Variants in RAB31 observed in about 807,000 individuals in gnomAD.
RAB31 encodes RAB31, member RAS oncogene family.
In RAB31, 21 loss-of-function variants were observed where a neutral mutation model predicts 25.6. That is an observed-to-expected ratio of 0.82 (90% CI 0.58 to 1.18). The LOEUF (loss-of-function observed/expected upper bound fraction) is 1.18, where lower values mean the gene tolerates loss of function less well. Ranked by LOEUF, RAB31 falls within the 50% of genes most tolerant of loss-of-function variation. The pLI is 0.00. For synonymous variants in RAB31, 87 were observed against 84.0 expected (o/e 1.04, Z -0.20); for missense variants, 196 against 250.1 (o/e 0.78, Z 1.46).
At chr18:9,852,259 A>T (rs1227150081) in intron 6 of RAB31, among the ~76,000 whole-genome samples, 2 of 152,128 alleles carry the variant, frequency 1.3e-5, no homozygotes, top group African/African-American at 2.4e-5. Flanking sequence ...TTTGTCCATA[A>T]TTTTTTTAAA....
intron 6 of RAB31, among the ~76,000 whole-genome samples, chr18:9,853,603 T>C (rs1404034684): frequency 2.0e-5 from 3 of 152,200 alleles, no homozygotes; most frequent in African/African-American, 4.8e-5. Flanking sequence ...TAAAGGAGGA[T>C]ACATGTTATT....
At chr18:9,812,196 G>A (rs369484297) in intron 3 of RAB31, among the ~76,000 whole-genome samples, 6 of 152,144 alleles carry the variant, frequency 3.9e-5, no homozygotes, top group African/African-American at 1.2e-4. Context: ...ATACCGCCAC[G>A]TTGGGAGTTA....
At chr18:9,782,445 A>T (rs1327214656) in intron 2 of RAB31, among the ~76,000 whole-genome samples, 1 of 152,246 alleles carries the variant, frequency 6.6e-6, no homozygotes, top group Non-Finnish European at 1.5e-5. Flanking sequence ...GCATTAAAAG[A>T]GTTAACTCTT....
At chr18:9,755,508 G>T (rs904494766) in intron 1 of RAB31, among the ~76,000 whole-genome samples, 1 of 152,210 alleles carries the variant, frequency 6.6e-6, no homozygotes, top group Non-Finnish European at 1.5e-5. Flanking sequence ...CTAATGTCAC[G>T]CTGTCAATTT....
chr18:9,763,781 T>C (rs2068300939), intron 1 of RAB31, among the ~76,000 whole-genome samples: 1 of 152,100 alleles, frequency 6.6e-6, no homozygotes, highest in East Asian at 1.9e-4. Context: ...ATATTGTTAG[T>C]AAATGTCAGC....
chr18:9,834,802 G>C (rs141134114), intron 5 of RAB31, among the ~76,000 whole-genome samples: 81 of 152,206 alleles, frequency 5.3e-4, no homozygotes, highest in Middle Eastern at 3.4e-3. Context: ...GATTTTCTTC[G>C]AAGACAGAGT....
chr18:9,857,536 A>G (rs1599070278), intron 6 of RAB31, among the ~76,000 whole-genome samples: 2 of 151,848 alleles, frequency 1.3e-5, no homozygotes, highest in South Asian at 4.1e-4. Flanking sequence ...AAAATAAATC[A>G]ATACCACAAC....
At chr18:9,809,979 G>A (rs750850705) in intron 3 of RAB31, among the ~76,000 whole-genome samples, 8 of 152,176 alleles carry the variant, frequency 5.3e-5, no homozygotes, top group Admixed American at 2.6e-4. Flanking sequence ...GAAGAAGGCC[G>A]TTCCCGTCTC....
At chr18:9,748,777 G>A (rs2068218958) in intron 1 of RAB31, among the ~76,000 whole-genome samples, 3 of 151,950 alleles carry the variant, frequency 2.0e-5, no homozygotes, top group Non-Finnish European at 4.4e-5. Flanking sequence ...TGTAATCCCA[G>A]CTACTCGGGA....
intron 1 of RAB31, among the ~76,000 whole-genome samples, chr18:9,750,701 C>T (rs1460248118): frequency 6.6e-6 from 1 of 152,222 alleles, no homozygotes; most frequent in Non-Finnish European, 1.5e-5. Flanking sequence ...GAAGTTGAAG[C>T]TATGAGTTCG....
At chr18:9,767,003 T>G (rs1432555240) in intron 1 of RAB31, among the ~76,000 whole-genome samples, 2 of 152,052 alleles carry the variant, frequency 1.3e-5, no homozygotes, top group Non-Finnish European at 2.9e-5. Flanking sequence ...AAAAGAAGTA[T>G]GTAAGCCTTA....
intron 4 of RAB31, 21 bp downstream of exon 4, chr18:9,814,112 AT>A: frequency 1.3e-6 from 2 of 1,511,736 alleles, no homozygotes; most frequent in Non-Finnish European, 1.8e-6. Context: ...CTCCTTCAGA[AT>A]TTAGATGTCA....
At chr18:9,756,798 T>C (rs2068262190) in intron 1 of RAB31, among the ~76,000 whole-genome samples, 1 of 152,218 alleles carries the variant, frequency 6.6e-6, no homozygotes, top group African/African-American at 2.4e-5. Flanking sequence ...TGGCCTTTGT[T>C]TCCAGTTTTG....
intron 1 of RAB31, among the ~76,000 whole-genome samples, chr18:9,718,539 A>G (rs954617291): frequency 2.6e-5 from 4 of 152,230 alleles, no homozygotes; most frequent in African/African-American, 9.6e-5. Flanking sequence ...GATTACAGGC[A>G]TGAGCCACTG....
chr18:9,781,461 C>T (rs1342031725), intron 2 of RAB31, among the ~76,000 whole-genome samples: 1 of 152,174 alleles, frequency 6.6e-6, no homozygotes, highest in Non-Finnish European at 1.5e-5. Flanking sequence ...GGATTACAGG[C>T]ACTCGCCTCC....
At chr18:9,797,315 A>G (rs1369741928) in intron 3 of RAB31, 1 of 152,202 alleles carries the variant, frequency 6.6e-6, no homozygotes, top group Admixed American at 6.5e-5. Context: ...AGCTGCCTTT[A>G]ATGAACACAA....
At position 9,764,206 on chromosome 18, in the gene RAB31, C is replaced by T. The variant is rs952960847; in HGVS notation, c.40-11072C>T. 4.6e-5 allele frequency among the ~76,000 whole-genome samples: 7 copies of T among 152,198 alleles called. No individual in the cohort carries two copies. The East Asian group carries it at 7.7e-4, about 17-fold the overall frequency. On this transcript the variant is annotated intron_variant, in intron 1 of 6. Coordinates refer to ENST00000578921, the MANE Select transcript of RAB31 (RefSeq NM_006868.4). ...GTGGGGATTGCCTGTACAATTAGTT[C>T]GGTCACTGTCACCCTAACCTCCTGC...
chr18:9,802,233 C>T (rs2068517417), intron 3 of RAB31, among the ~76,000 whole-genome samples: 1 of 152,128 alleles, frequency 6.6e-6, no homozygotes, highest in Admixed American at 6.5e-5. Flanking sequence ...GGATTTTGGT[C>T]AGGATTATGT....
intron 3 of RAB31, among the ~76,000 whole-genome samples, chr18:9,807,353 A>T (rs1242460290): frequency 1.3e-5 from 2 of 152,196 alleles, no homozygotes; most frequent in African/African-American, 4.8e-5. Flanking sequence ...AGACCAAACC[A>T]GCCTGGGCAG....
Sources: gnomAD v4.1 joint callset for allele counts (sites outside exome capture counted in the v4.1 genomes callset) on GRCh38, gnomAD v4.1.1 for gene constraint, MANE v1.5 for transcripts, NCBI Gene and HGNC (gene_info 2026-07-23, HGNC 2026-07-21) for gene names.